REDIC1: variants seen among roughly 807,000 people sequenced by gnomAD.
REDIC1 encodes regulator of DNA class I crossover intermediates 1.
the REDIC1 span, among the ~76,000 whole-genome samples, chr12:39,638,392 GTATCCT>G: frequency 1.3e-5 from 2 of 151,986 alleles, no homozygotes; most frequent in Admixed American, 6.6e-5. Context: ...GCCAGCAGTG[GTATCCT>G]TATGAGAATA....
chr12:39,798,873 A>G, the REDIC1 span, among the ~76,000 whole-genome samples: 1 of 151,848 alleles, frequency 6.6e-6, no homozygotes, highest in Non-Finnish European at 1.5e-5. Context: ...TGTATTTTAT[A>G]TAATATAAAA....
chr12:39,886,345 A>G, the REDIC1 span, among the ~76,000 whole-genome samples: 325 of 152,286 alleles, frequency 2.1e-3, 1 homozygote, highest in African/African-American at 7.0e-3. Flanking sequence ...GTTCATTTCA[A>G]TGCATACATG....
the REDIC1 span, among the ~76,000 whole-genome samples, chr12:39,900,561 C>A: frequency 5.3e-3 from 805 of 152,096 alleles, 9 homozygotes; most frequent in African/African-American, 0.019. Flanking sequence ...AACAGAGAGC[C>A]AAATCATGAG....
the REDIC1 span, among the ~76,000 whole-genome samples, chr12:39,699,579 C>T: frequency 2.0e-5 from 3 of 152,208 alleles, no homozygotes; most frequent in East Asian, 1.9e-4. Flanking sequence ...CTGGGAAGCT[C>T]GAACTGGGTG....
the REDIC1 span, among the ~76,000 whole-genome samples, chr12:39,712,911 A>G: frequency 2.2e-4 from 33 of 146,988 alleles, no homozygotes; most frequent in African/African-American, 6.4e-4. Context: ...GTATATACGT[A>G]TATACATATG....
chr12:39,889,930 T>C, the REDIC1 span, among the ~76,000 whole-genome samples: 4 of 152,178 alleles, frequency 2.6e-5, no homozygotes, highest in Non-Finnish European at 5.9e-5. Flanking sequence ...ATATAATTCT[T>C]TGTATCTTCA....
chr12:39,773,908 A>C, the REDIC1 span, among the ~76,000 whole-genome samples: 88 of 152,336 alleles, frequency 5.8e-4, 1 homozygote, highest in African/African-American at 1.9e-3. Context: ...CCATCGTTCT[A>C]CTGGGCTTAC....
the REDIC1 span, among the ~76,000 whole-genome samples, chr12:39,787,690 T>C: frequency 6.6e-6 from 1 of 152,190 alleles, no homozygotes; most frequent in South Asian, 2.1e-4. Context: ...GGATAAATTT[T>C]AGCATGCAAA....
chr12:39,813,408 A>G, the REDIC1 span, among the ~76,000 whole-genome samples: 1 of 152,122 alleles, frequency 6.6e-6, no homozygotes, highest in Non-Finnish European at 1.5e-5. Context: ...CACATGGCCA[A>G]TGACATTTCA....
the REDIC1 span, among the ~76,000 whole-genome samples, chr12:39,747,980 A>G: frequency 6.6e-6 from 1 of 152,254 alleles, no homozygotes; most frequent in Non-Finnish European, 1.5e-5. Flanking sequence ...ATCTTGCCAA[A>G]TTGTAAAGAC....
chr12:39,812,996 ATTTTTTTTT>A, the REDIC1 span, among the ~76,000 whole-genome samples: 20 of 40,616 alleles, frequency 4.9e-4, no homozygotes, highest in South Asian at 5.8e-3. Flanking sequence ...TGCCCAGCTA[ATTTTTTTTT>A]TTTTTTTTTT....
chr12:39,759,958 G>T, the REDIC1 span: 2 of 1,188,180 alleles, frequency 1.7e-6, no homozygotes, highest in Non-Finnish European at 2.5e-6. Context: ...GCAGGGCAGT[G>T]AAGTCACCAA....
At chr12:39,711,228 C>CAT in the REDIC1 span, among the ~76,000 whole-genome samples, 32 of 148,538 alleles carry the variant, frequency 2.2e-4, no homozygotes, top group East Asian at 4.0e-4. Flanking sequence ...TTTAATCTAC[C>CAT]ATATATATAT....
chr12:39,795,023 C>T, the REDIC1 span, among the ~76,000 whole-genome samples: 1 of 152,120 alleles, frequency 6.6e-6, no homozygotes, highest in Non-Finnish European at 1.5e-5. Context: ...TATTGTCTTA[C>T]TGCTGGGATG....
chr12:39,896,505 TGTAC>T, the REDIC1 span, among the ~76,000 whole-genome samples: 4 of 146,644 alleles, frequency 2.7e-5, no homozygotes, highest in Admixed American at 7.0e-5. Flanking sequence ...CATATATGTA[TGTAC>T]ATGTGTGTAT....
At chr12:39,802,838 A>G in the REDIC1 span, among the ~76,000 whole-genome samples, 1 of 152,172 alleles carries the variant, frequency 6.6e-6, no homozygotes, top group African/African-American at 2.4e-5. Context: ...AAAATATTAT[A>G]TCAGATTGAG....
At chr12:39,887,022 A>C in the REDIC1 span, among the ~76,000 whole-genome samples, 1 of 152,220 alleles carries the variant, frequency 6.6e-6, no homozygotes, top group African/African-American at 2.4e-5. Flanking sequence ...ACTCAACAGA[A>C]TAGCTCTACA....
At chr12:39,711,086 ACTT>A in the REDIC1 span, among the ~76,000 whole-genome samples, 1 of 151,358 alleles carries the variant, frequency 6.6e-6, no homozygotes, top group South Asian at 2.1e-4. Flanking sequence ...ATTGTATCAT[ACTT>A]ATGACTTTGC....
At chr12:39,785,112 G>A in the REDIC1 span, among the ~76,000 whole-genome samples, 3 of 152,318 alleles carry the variant, frequency 2.0e-5, no homozygotes, top group Admixed American at 6.5e-5. Flanking sequence ...GGGGCCTAAT[G>A]TGAATCCCCA....
Sources: allele counts gnomAD v4.1 joint callset (sites outside exome capture counted in the v4.1 genomes callset), GRCh38; gene constraint gnomAD v4.1.1; transcripts MANE v1.5; gene names NCBI Gene and HGNC (gene_info 2026-07-23, HGNC 2026-07-21).